The following MTR variants were observed in gnomAD, a reference collection of about 807,000 sequenced individuals.
The protein encoded by MTR is 5-methyltetrahydrofolate-homocysteine methyltransferase, also known as methionine synthase.
In MTR, 84 loss-of-function variants were observed where a neutral mutation model predicts 154.8. The ratio of observed to expected loss-of-function variants is 0.54; its 90% confidence interval spans 0.45 to 0.65. MTR has a LOEUF of 0.65. MTR is among the 30% of genes least tolerant of loss of function. The pLI, the probability that MTR is intolerant of heterozygous loss-of-function variation, is 0.00. For synonymous variants in MTR, 554 were observed against 553.9 expected (o/e 1.00, Z 0.00); for missense variants, 1,275 against 1,570.2 (o/e 0.81, Z 3.18).
intron 29 of MTR, 143 bp downstream of exon 29, chr1:236,891,472 C>A: frequency 1.2e-6 from 1 of 866,224 alleles, no homozygotes; most frequent in Non-Finnish European, 1.8e-6. Context: ...CAGTCACACG[C>A]CCAAGCCCAA....
chr1:236,884,974 T>C, intron 25 of MTR, 147 bp from the exon 26 acceptor site: 1 of 682,106 alleles, frequency 1.5e-6, no homozygotes. Flanking sequence ...TACCTTTTCC[T>C]GCACGCCAGG....
intron 22 of MTR, among the ~76,000 whole-genome samples, chr1:236,865,110 C>A (rs1664752628): frequency 6.6e-6 from 1 of 152,200 alleles, no homozygotes; most frequent in Non-Finnish European, 1.5e-5. Flanking sequence ...GGCATTTCTC[C>A]AGGGTGCTAC....
chr1:236,872,004 T>G (rs78500897), intron 22 of MTR, among the ~76,000 whole-genome samples: 1,849 of 152,284 alleles, frequency 0.012, 43 homozygotes, highest in African/African-American at 0.043. Flanking sequence ...TTTGTTCTTG[T>G]TATTTAAACG....
intron 19 of MTR, 30 bp from the exon 20 acceptor site, chr1:236,861,095 T>C (rs1664510528): frequency 6.6e-7 from 1 of 1,509,784 alleles, no homozygotes; most frequent in South Asian, 1.3e-5. Context: ...TTCTTTCTTT[T>C]TCTTTTTTTT....
At chr1:236,896,529 G>T (rs1347863846) in intron 31 of MTR, among the ~76,000 whole-genome samples, 3 of 152,158 alleles carry the variant, frequency 2.0e-5, no homozygotes, top group South Asian at 2.1e-4. Flanking sequence ...GGGTCTGTTT[G>T]AGCTCTCAGA....
chr1:236,886,448 G>A, intron 27 of MTR, 81 bp downstream of exon 27: 3 of 1,363,492 alleles, frequency 2.2e-6, no homozygotes, highest in Middle Eastern at 1.8e-4. Context: ...TTACTTGGCT[G>A]CAAAATCAAA....
rs147762307 is a variant in MTR at position 236,885,130 on chromosome 1, C to G, written c.2686C>G (p.Leu896Val). 6.2e-7 allele frequency: 1 copy of G among 1,603,470 alleles called. No homozygotes were observed. ...ASKSVVVCSQ[L>V]LDENLKDEYF... ...TATCTTGCATTTTCAGTGTTCCCAG[C>G]TGTTAGATGAAAATCTAAAGGATGA... The change falls in exon 26 of 33, where the codon CTG becomes GTG. Residue 896 changes from leucine to valine, a missense_variant. By Grantham distance (32) the Leu-to-Val change is conservative (BLOSUM62 1). Coordinates refer to ENST00000366577, the MANE Select transcript of MTR (RefSeq NM_000254.3).
rs528829648 is a variant in MTR, at chr1:236,886,589, C to G, written c.2851+222C>G. Among the ~76,000 whole-genome samples, 6 of 152,320 alleles carry G rather than the reference C, an allele frequency of 3.9e-5. No individual in the cohort carries two copies. In the South Asian group the frequency reaches 1.2e-3, roughly 32 times the overall value. On this transcript the variant is annotated intron_variant, in intron 27 of 32. Transcript: ENST00000366577. ...CCATCCTGAGATGGACTCATAGCAG[C>G]TCTCTGAGTCCTTCAGACAACTCCA...
intron 1 of MTR, among the ~76,000 whole-genome samples, chr1:236,796,757 G>A (rs1045111115): frequency 6.7e-6 from 1 of 149,148 alleles, no homozygotes; most frequent in Non-Finnish European, 1.5e-5. Context: ...TAAATAAGAT[G>A]TAATGAGGTT....
chr1:236,809,260 C>G (rs926014089), intron 4 of MTR, among the ~76,000 whole-genome samples: 2 of 152,184 alleles, frequency 1.3e-5, no homozygotes, highest in African/African-American at 4.8e-5. Flanking sequence ...TCCTTGAAGG[C>G]TCTGTGAAGC....
intron 29 of MTR, among the ~76,000 whole-genome samples, chr1:236,893,525 C>T (rs540254664): frequency 1.0e-3 from 154 of 152,274 alleles, no homozygotes; most frequent in Admixed American, 2.5e-3. Flanking sequence ...CTGATGGTAT[C>T]ACCTATGTCA....
intron 14 of MTR, among the ~76,000 whole-genome samples, chr1:236,837,074 G>A (rs149467989): frequency 7.8e-4 from 119 of 152,208 alleles, no homozygotes; most frequent in African/African-American, 2.6e-3. Flanking sequence ...ACTTATTGGA[G>A]GCCAAATTTC....
Position 236,863,523 on chromosome 1 carries a change from G to A in MTR, c.2374G>A (p.Val792Ile), listed in dbSNP as rs1338672336. 1 of 1,613,984 alleles carries A rather than the reference G, an allele frequency of 6.2e-7. No homozygotes were observed. The highest frequency in any genetic ancestry group is 8.5e-7 in the Non-Finnish European group (1 of 1,179,976). ...GDVHDIGKNI[V>I]GVVLGCNNFR... ...CGTGCACGACATAGGCAAGAACATA[G>A]TTGGAGTAGTCCTTGGCTGCAATAA... Residue 792 changes from valine (V) to isoleucine (I), a missense_variant, in exon 22 of 33, where the codon GTT becomes ATT. Transcript: ENST00000366577.
rs1428832544 is a variant in MTR, at chr1:236,885,231, A to G, written c.2775+12A>G. On this transcript the variant is annotated intron_variant, in intron 26 of 32. Coordinates refer to ENST00000366577, the MANE Select transcript of MTR (RefSeq NM_000254.3). ...ATGAGTCTCTCAAGGTAAGTGGTAG[A>G]AACAGATTTTTGCTTGTTTTTAATG... is the stretch of plus-strand genomic sequence containing the variant. 2 of 1,510,286 alleles carry G rather than the reference A, an allele frequency of 1.3e-6. No individual in the cohort carries two copies. The highest frequency in any genetic ancestry group is 1.7e-5 in the Admixed American group (1 of 59,904). 93.6% of individuals were successfully genotyped at this position (1,510,286 alleles called of 1,614,324 possible).
Position 236,806,350 on chromosome 1 carries a change from T to C in MTR, c.339+117T>C, listed in dbSNP as rs1660984536. 3 of 821,390 alleles carry C rather than the reference T, an allele frequency of 3.7e-6. No homozygotes were observed. In the African/African-American group the frequency reaches 5.0e-5, roughly 14 times the overall value. The allele number at this position is 821,390 out of a possible 1,614,324, so 50.9% of individuals were successfully genotyped here. ...GTCAAGCTAATGCCTAGTTATCTGT[T>C]GTTTATGATGAGACAGGGAAAATGG... is the stretch of plus-strand genomic sequence containing the variant. On this transcript the variant is annotated intron_variant, in intron 3 of 32. Transcript: ENST00000366577.
chr1:236,799,591 G>T (rs1354916847), intron 1 of MTR, among the ~76,000 whole-genome samples: 1 of 151,816 alleles, frequency 6.6e-6, no homozygotes, highest in Non-Finnish European at 1.5e-5. Flanking sequence ...ACATTTTGTT[G>T]TAAACTCTAG....
rs1192571117 is a variant in MTR, at chr1:236,873,788, A to G, written c.2421A>G (p.Gly807=). Residue 807 remains glycine, a synonymous_variant, in exon 23 of 33, where the codon GGA becomes GGG. Transcript: ENST00000366577. ...GCNNFRVIDL[G]VMTPCDKILK... The stretch of plus-strand genomic sequence containing the variant: ...TGTGCCTCAGAGTTATTGATTTAGG[A>G]GTCATGACTCCATGTGATAAGATAC... The G allele has an allele frequency of 1.2e-6, 2 of 1,614,064 alleles. No individual in the cohort carries two copies. Among genetic ancestry groups the G allele is most frequent in the Non-Finnish European group, 8.5e-7 (1 of 1,179,904 alleles).
At chr1:236,835,087 C>CT (rs1166908457) in intron 13 of MTR, among the ~76,000 whole-genome samples, 2 of 151,860 alleles carry the variant, frequency 1.3e-5, no homozygotes, top group African/African-American at 4.8e-5. Flanking sequence ...TCTCTAAGGA[C>CT]TTTTTTTGGA....
chr1:236,824,851 A>G (rs534143523), intron 9 of MTR, among the ~76,000 whole-genome samples: 28 of 152,366 alleles, frequency 1.8e-4, no homozygotes, highest in African/African-American at 6.5e-4. Context: ...CTGGAAGCAG[A>G]TAATAAATAA....
Sources: allele counts gnomAD v4.1 joint callset (sites outside exome capture counted in the v4.1 genomes callset), GRCh38; gene constraint gnomAD v4.1.1; transcripts MANE v1.5; gene names NCBI Gene and HGNC (gene_info 2026-07-23, HGNC 2026-07-21).